Variants in DACH1 observed in about 807,000 individuals in gnomAD.
The protein encoded by DACH1 is dachshund family transcription factor 1, also known as dachshund homolog 1.
Under a neutral mutation model 54.2 loss-of-function variants are expected in DACH1, and 12 were observed. That is an observed-to-expected ratio of 0.22 (90% confidence interval 0.14 to 0.36). DACH1 has a LOEUF of 0.36. Among genes scored for constraint, DACH1 ranks in the 10% least tolerant of loss-of-function variants. DACH1 has a pLI of 1.00. For missense variants in DACH1, 805 were observed against 929.8 expected, an observed-to-expected ratio of 0.87 and a Z score of 1.75; for synonymous variants, 386 against 366.2, an observed-to-expected ratio of 1.05 and a Z score of -0.62.
At chr13:71,762,753 A>G (rs1885454693) in intron 1 of DACH1, among the ~76,000 whole-genome samples, 1 of 123,262 alleles carries the variant, frequency 8.1e-6, no homozygotes, top group South Asian at 3.0e-4. Flanking sequence ...GGGCAACAAG[A>G]GTGAAACTTT....
rs1566341483 is a variant in DACH1, at chr13:71,559,887, T to C, written c.1368A>G (p.Pro456=). The C allele has an allele frequency of 1.9e-6, 3 of 1,611,996 alleles. No individual in the cohort carries two copies. Among genetic ancestry groups the C allele is most frequent in the African/African-American group, 2.7e-5 (2 of 74,712 alleles). Residue 456 remains proline, a synonymous_variant, in exon 5 of 11, where the codon CCA becomes CCG. Coordinates refer to ENST00000613252, the MANE Select transcript of DACH1 (RefSeq NM_080759.6). ...ACACGCTGCTGCTGCGATGTGATGA[T>C]GGGTGACTGCCAGGCCTTCTCCCCT... ...LEEGRRPGSH[P]SSHRSSSVSS...
At chr13:71,507,063 A>G (rs1374746228) in intron 6 of DACH1, among the ~76,000 whole-genome samples, 2 of 151,566 alleles carry the variant, frequency 1.3e-5, no homozygotes, top group Admixed American at 1.3e-4. Context: ...AATGGGATCT[A>G]ATTAAACTAA....
chr13:71,548,898 C>T (rs910801499), intron 6 of DACH1, among the ~76,000 whole-genome samples: 9 of 151,798 alleles, frequency 5.9e-5, no homozygotes, highest in African/African-American at 2.2e-4. Flanking sequence ...GCCTGGGCAA[C>T]AGAGCAAGAC....
intron 1 of DACH1, among the ~76,000 whole-genome samples, chr13:71,802,136 C>T (rs1362198689): frequency 6.6e-6 from 1 of 152,022 alleles, no homozygotes; most frequent in East Asian, 1.9e-4. Flanking sequence ...GGAAATCAGC[C>T]CTAATCAAGT....
intron 2 of DACH1, among the ~76,000 whole-genome samples, chr13:71,632,818 T>A (rs1429265797): frequency 6.6e-6 from 1 of 152,156 alleles, no homozygotes; most frequent in African/African-American, 2.4e-5. Context: ...CTGGGTTTGA[T>A]CTGAACATTC....
intron 1 of DACH1, among the ~76,000 whole-genome samples, chr13:71,768,979 A>G (rs1363074348): frequency 6.6e-6 from 1 of 151,816 alleles, no homozygotes; most frequent in Non-Finnish European, 1.5e-5. Flanking sequence ...TTGACATGGA[A>G]ATAAAAGTTA....
intron 3 of DACH1, among the ~76,000 whole-genome samples, chr13:71,586,706 A>C (rs963361755): frequency 6.6e-6 from 1 of 152,130 alleles, no homozygotes; most frequent in Non-Finnish European, 1.5e-5. Context: ...CTAAAAATAT[A>C]TACATGCAGA....
chr13:71,791,181 ACT>A (rs1886814940), intron 1 of DACH1, among the ~76,000 whole-genome samples: 1 of 150,014 alleles, frequency 6.7e-6, no homozygotes, highest in South Asian at 2.1e-4. Flanking sequence ...TTTAGGACTA[ACT>A]CTCTTTACTT....
At chr13:71,597,792 C>T (rs966182278) in intron 3 of DACH1, among the ~76,000 whole-genome samples, 1 of 152,084 alleles carries the variant, frequency 6.6e-6, no homozygotes, top group Non-Finnish European at 1.5e-5. Context: ...ATTGGAGGCC[C>T]TATTATTAAC....
In DACH1 at chr13:71,498,936, C is replaced by T. The variant is rs191861167; in HGVS notation, c.1571-9788G>A. ...AAGATCAAGCTATCTATTAATATTTCCAATCTTGGCCTTGACAGCAAATCC... is the reference window on the plus strand; with the variant it reads ...AAGATCAAGCTATCTATTAATATTTTCAATCTTGGCCTTGACAGCAAATCC... On this transcript the variant is annotated intron_variant, in intron 6 of 10. Transcript: ENST00000613252. Among the ~76,000 whole-genome samples the T allele has an allele frequency of 4.7e-3, 715 of 152,216 alleles. 8 individuals carry two copies. The highest frequency in any genetic ancestry group is 0.016 in the African/African-American group (654 of 41,532).
chr13:71,551,024 G>C (rs1004783792), intron 6 of DACH1, among the ~76,000 whole-genome samples: 1 of 151,836 alleles, frequency 6.6e-6, no homozygotes, highest in Non-Finnish European at 1.5e-5. Flanking sequence ...AAAGAAAAAA[G>C]GCTTTTAGTC....
intron 3 of DACH1, among the ~76,000 whole-genome samples, chr13:71,624,455 G>A (rs1181967531): frequency 1.3e-5 from 2 of 151,866 alleles, no homozygotes; most frequent in Non-Finnish European, 2.9e-5. Context: ...CTCATTTCAT[G>A]TGTCAGAATC....
intron 1 of DACH1, among the ~76,000 whole-genome samples, chr13:71,764,245 G>A (rs1885524331): frequency 6.6e-6 from 1 of 152,074 alleles, no homozygotes; most frequent in Non-Finnish European, 1.5e-5. Context: ...AAGAAATACA[G>A]TACAGTTAAC....
At chr13:71,452,138 T>A (rs1875117954) in intron 10 of DACH1, among the ~76,000 whole-genome samples, 1 of 152,194 alleles carries the variant, frequency 6.6e-6, no homozygotes, top group African/African-American at 2.4e-5. Context: ...TGTTTTGTTT[T>A]GTTTTGTTTT....
chr13:71,581,916 T>C (rs1236836931), intron 3 of DACH1, among the ~76,000 whole-genome samples: 2 of 152,120 alleles, frequency 1.3e-5, no homozygotes, highest in Admixed American at 6.5e-5. Flanking sequence ...ATTGGACTGG[T>C]TGAATATGAG....
chr13:71,612,168 T>C (rs1326811659), intron 3 of DACH1, among the ~76,000 whole-genome samples: 2 of 152,158 alleles, frequency 1.3e-5, no homozygotes, highest in African/African-American at 2.4e-5. Context: ...TTATGAGTTA[T>C]GGCCACAGAA....
chr13:71,742,003 G>A (rs1884408480), intron 1 of DACH1, among the ~76,000 whole-genome samples: 1 of 152,164 alleles, frequency 6.6e-6, no homozygotes, highest in African/African-American at 2.4e-5. Context: ...CATGTTGTGG[G>A]AAGGATGCAG....
At chr13:71,562,451 G>A (rs529194743) in intron 4 of DACH1, among the ~76,000 whole-genome samples, 16 of 151,944 alleles carry the variant, frequency 1.1e-4, no homozygotes, top group Admixed American at 2.0e-4. Flanking sequence ...ATACATCCCA[G>A]ATATTAAAAT....
chr13:71,515,610 G>T (rs1201201609), intron 6 of DACH1, among the ~76,000 whole-genome samples: 1 of 151,842 alleles, frequency 6.6e-6, no homozygotes, highest in Non-Finnish European at 1.5e-5. Context: ...TGAGTCTTCA[G>T]GGACAAAATC....
Sources: allele counts gnomAD v4.1 joint callset (sites outside exome capture counted in the v4.1 genomes callset), GRCh38; gene constraint gnomAD v4.1.1; transcripts MANE v1.5; gene names NCBI Gene and HGNC (gene_info 2026-07-23, HGNC 2026-07-21).